Variants in NPAS2 observed in about 807,000 individuals in gnomAD.
The protein encoded by NPAS2 is neuronal PAS domain protein 2.
NPAS2 carries 23 observed loss-of-function variants against 107.5 expected under a neutral mutation model. The observed-to-expected ratio is 0.21, with a 90% CI of 0.15 to 0.30. NPAS2 has a LOEUF of 0.30. Among genes scored for constraint, NPAS2 ranks in the 10% least tolerant of loss-of-function variants. The pLI, the probability that NPAS2 is intolerant of heterozygous loss-of-function variation, is 1.00. For synonymous variants in NPAS2, 403 were observed against 417.5 expected, an observed-to-expected ratio of 0.97 and a Z score of 0.42; for missense variants, 756 against 1,043.3, an observed-to-expected ratio of 0.72 and a Z score of 3.79.
chr2:100,926,975 G>A lies in NPAS2; in HGVS notation c.181+1681G>A, dbSNP rs1573637953. ...TTTTTTTTTGAGACAGTCTTGTTCT[G>A]TCACCAAGACTGGAGTGCAGCGGCG... On this transcript the variant is annotated intron_variant, in intron 3 of 20. Transcript: ENST00000335681. Among the ~76,000 whole-genome samples, 3 of 98,508 alleles carry A rather than the reference G, an allele frequency of 3.0e-5. No individual in the cohort carries two copies. The South Asian group carries it at 8.7e-4, about 29-fold the overall frequency. 64.6% of individuals were successfully genotyped at this position (98,508 alleles called of 152,430 possible).
chr2:100,972,668 T>C (rs1676663301), intron 12 of NPAS2: 1 of 152,226 alleles, frequency 6.6e-6, no homozygotes, highest in Non-Finnish European at 1.5e-5. Context: ...CTGACATTGT[T>C]TATTACCCAG....
chr2:100,892,526 C>A (rs748522301), intron 1 of NPAS2, among the ~76,000 whole-genome samples: 5 of 152,066 alleles, frequency 3.3e-5, no homozygotes, highest in African/African-American at 4.8e-5. Context: ...CCAGCAAGCA[C>A]TGTGAGACCC....
intron 1 of NPAS2, among the ~76,000 whole-genome samples, chr2:100,865,551 G>A (rs888305818): frequency 1.3e-5 from 2 of 152,168 alleles, no homozygotes; most frequent in African/African-American, 4.8e-5. Context: ...GGGTAACCTG[G>A]CCACACCAAT....
At position 100,967,237 on chromosome 2, in the gene NPAS2, CTTTTTTTTT is replaced by C. The variant is rs58558247; in HGVS notation, c.908-1025_908-1017del. ...TAATCACATTCTCCAAGTCAGTGTC[CTTTTTTTTT>C]TTTTTTTTTTTTTTTTTTGAGACAG... On this transcript the variant is annotated intron_variant, in intron 10 of 20. Transcript: ENST00000335681. 6.8e-3 allele frequency among the ~76,000 whole-genome samples: 685 copies of C among 100,528 alleles called. 6 individuals carry two copies. Among genetic ancestry groups the C allele is most frequent in the African/African-American group, 0.026 (637 of 24,972 alleles). The allele number at this position is 100,528 out of a possible 152,430, so 66.0% of individuals were successfully genotyped here.
At chr2:100,893,342 G>A (rs1681203033) in intron 1 of NPAS2, among the ~76,000 whole-genome samples, 1 of 152,204 alleles carries the variant, frequency 6.6e-6, no homozygotes. Flanking sequence ...TTGGGGAGAT[G>A]TGTGTGCTCG....
At chr2:100,964,793 C>T (rs1287709399) in intron 8 of NPAS2, 68 bp from the exon 9 acceptor site, 1 of 971,322 alleles carries the variant, frequency 1.0e-6, no homozygotes, top group East Asian at 2.6e-5. Context: ...ACGCGTTCCT[C>T]TTGAACAAAC....
rs111658724 is a variant in NPAS2, at chr2:100,938,416, C to T, written c.363+574C>T. ...GTGTCTGGGTGGACCAGGAGAGGGT[C>T]GGCTTTGCATTCCAGAAGTGCACGA... is the stretch of plus-strand genomic sequence containing the variant. On this transcript the variant is annotated intron_variant, in intron 5 of 20. Coordinates refer to ENST00000335681, the MANE Select transcript of NPAS2 (RefSeq NM_002518.4). Among the ~76,000 whole-genome samples the T allele has an allele frequency of 3.0e-3, 462 of 152,140 alleles. 6 individuals carry two copies. The highest frequency in any genetic ancestry group is 9.9e-3 in the African/African-American group (411 of 41,506).
chr2:100,902,142 C>G (rs1438503829), intron 1 of NPAS2, among the ~76,000 whole-genome samples: 1 of 152,136 alleles, frequency 6.6e-6, no homozygotes, highest in African/African-American at 2.4e-5. Flanking sequence ...CATTGTCACC[C>G]CCTAAACTTC....
At chr2:100,959,233 G>A (rs1390977966) in intron 7 of NPAS2, among the ~76,000 whole-genome samples, 2 of 151,652 alleles carry the variant, frequency 1.3e-5, no homozygotes, top group Non-Finnish European at 2.9e-5. Context: ...TCGCACCACT[G>A]TGTTCCAGCC....
At chr2:100,929,201 G>A (rs924709421) in intron 3 of NPAS2, among the ~76,000 whole-genome samples, 7 of 152,198 alleles carry the variant, frequency 4.6e-5, no homozygotes, top group South Asian at 2.1e-4. Context: ...CACTGCACCC[G>A]GCCCATGGCA....
chr2:100,874,930 C>T (rs374605430), intron 1 of NPAS2, among the ~76,000 whole-genome samples: 2 of 152,064 alleles, frequency 1.3e-5, no homozygotes, highest in African/African-American at 2.4e-5. Flanking sequence ...GGATGGGCCC[C>T]GGTGACTGTG....
At chr2:100,882,595 A>G (rs897723090) in intron 1 of NPAS2, among the ~76,000 whole-genome samples, 2 of 152,104 alleles carry the variant, frequency 1.3e-5, no homozygotes, top group Admixed American at 1.3e-4. Flanking sequence ...CCTGGGAGAC[A>G]GAGCGAGACT....
At chr2:100,836,061 G>T (rs765587384) in intron 1 of NPAS2, among the ~76,000 whole-genome samples, 1 of 152,076 alleles carries the variant, frequency 6.6e-6, no homozygotes, top group Admixed American at 6.5e-5. Flanking sequence ...CCCCACTCCC[G>T]CCACCAGCCT....
rs201209383 is a variant in NPAS2 at position 100,854,384 on chromosome 2, A to AAG, written c.-23+33980_-23+33981dup. On this transcript the variant is annotated intron_variant, in intron 1 of 20. Transcript: ENST00000335681. ...GTGGAGTAGGTGGCTGAATCCAAGC[A>AAG]AGAGAGAGAGACCTCAACCAGGGCC... Among the ~76,000 whole-genome samples the AAG allele has an allele frequency of 3.7e-3, 556 of 152,202 alleles. 6 individuals carry two copies. The highest frequency in any genetic ancestry group is 0.012 in the African/African-American group (517 of 41,528).
intron 19 of NPAS2, among the ~76,000 whole-genome samples, chr2:100,992,825 G>A (rs933594257): frequency 2.0e-5 from 3 of 152,064 alleles, no homozygotes; most frequent in African/African-American, 4.8e-5. Context: ...TTCTGTTATC[G>A]GTCTCTTATT....
At chr2:100,949,705 T>C (rs28695714) in intron 7 of NPAS2, among the ~76,000 whole-genome samples, 8,573 of 152,266 alleles carry the variant, frequency 0.056, 777 homozygotes, top group African/African-American at 0.19. Flanking sequence ...ACAGTCCCAC[T>C]GAAACACACA....
chr2:100,944,558 C>T (rs1188028488), intron 5 of NPAS2, among the ~76,000 whole-genome samples: 3 of 152,174 alleles, frequency 2.0e-5, no homozygotes, highest in African/African-American at 7.2e-5. Flanking sequence ...GAACTCAGCT[C>T]ATTCAAGGGA....
At position 100,940,148 on chromosome 2, in the gene NPAS2, C is replaced by G. The variant is rs574572958; in HGVS notation, c.363+2306C>G. On this transcript the variant is annotated intron_variant, in intron 5 of 20. Coordinates refer to ENST00000335681, the MANE Select transcript of NPAS2 (RefSeq NM_002518.4). Reference sequence around the variant, plus strand: ...AAACTTCCCTGGTGCAATCAGCATACAGCTGGTTGGGCAGAGGAGCGGATC... The same window carrying G: ...AAACTTCCCTGGTGCAATCAGCATAGAGCTGGTTGGGCAGAGGAGCGGATC... Among the ~76,000 whole-genome samples, 92 of 152,322 alleles carry G rather than the reference C, an allele frequency of 6.0e-4. 1 individual carries two copies. Among genetic ancestry groups the G allele is most frequent in the African/African-American group, 2.1e-3 (87 of 41,578 alleles).
intron 19 of NPAS2, among the ~76,000 whole-genome samples, chr2:100,991,297 C>G (rs1338342587): frequency 6.6e-6 from 1 of 152,190 alleles, no homozygotes; most frequent in Non-Finnish European, 1.5e-5. Flanking sequence ...AAGCAGCCCC[C>G]TCTCTGCCTT....
Sources: gnomAD v4.1 joint callset for allele counts (sites outside exome capture counted in the v4.1 genomes callset) on GRCh38, gnomAD v4.1.1 for gene constraint, MANE v1.5 for transcripts, NCBI Gene and HGNC (gene_info 2026-07-23, HGNC 2026-07-21) for gene names.